The following VLDLR variants were observed in gnomAD, a reference collection of about 807,000 sequenced individuals.
The protein encoded by VLDLR is very low density lipoprotein receptor, also known as very low-density lipoprotein receptor.
Under a neutral mutation model 112.7 loss-of-function variants are expected in VLDLR, and 81 were observed. The observed-to-expected ratio is 0.72, with a 90% CI of 0.60 to 0.86. The LOEUF (loss-of-function observed/expected upper bound fraction) is 0.86, where lower values mean the gene tolerates loss of function less well. VLDLR is among the 40% of genes least tolerant of loss of function. VLDLR has a pLI of 0.00. For synonymous variants in VLDLR, 436 were observed against 384.8 expected, an observed-to-expected ratio of 1.13 and a Z score of -1.56; for missense variants, 1,237 against 1,099.4, an observed-to-expected ratio of 1.13 and a Z score of -1.77.
Position 2,651,437 on chromosome 9 carries a change from C to A in VLDLR, c.2274C>A (p.Tyr758Ter). Residue 758 changes from tyrosine to a stop codon, truncating the protein, a stop_gained, in exon 16 of 19, where the codon TAC (tyrosine) becomes TAA (stop). Coordinates refer to ENST00000382100, the MANE Select transcript of VLDLR (RefSeq NM_003383.5). LOFTEE classifies it high-confidence loss of function. ...DCQSTATTVT[Y>*]SETKDTNTTE... The stretch of plus-strand genomic sequence containing the variant: ...CAGGTACTGCAACTACTGTGACTTA[C>A]AGTGAGACAAAAGATACGAACACAA... 1.9e-6 allele frequency: 3 copies of A among 1,613,934 alleles called. No individual in the cohort carries two copies. The highest frequency in any genetic ancestry group is 2.5e-6 in the Non-Finnish European group (3 of 1,179,930).
intron 12 of VLDLR, 133 bp downstream of exon 12, chr9:2,647,725 G>A (rs1238426786): frequency 2.4e-6 from 2 of 819,124 alleles, no homozygotes; most frequent in Non-Finnish European, 2.1e-6. Context: ...TTTTCAATGG[G>A]AGTAACTGAA....
chr9:2,634,239 A>G (rs551038154), intron 1 of VLDLR, among the ~76,000 whole-genome samples: 7 of 152,294 alleles, frequency 4.6e-5, no homozygotes, highest in African/African-American at 1.7e-4. Context: ...AGGGAGACCA[A>G]CTAGGGTATT....
chr9:2,645,888 T>C (rs1209504816), intron 10 of VLDLR, 143 bp downstream of exon 10: 2 of 899,780 alleles, frequency 2.2e-6, no homozygotes, highest in Non-Finnish European at 3.4e-6. Context: ...CTAATGCTAA[T>C]TCTTTATTAA....
In VLDLR at chr9:2,621,963, G is replaced by A; in HGVS notation, c.-227G>A. The A allele has an allele frequency of 1.5e-6, 1 of 661,674 alleles. No homozygotes were observed. The highest frequency in any genetic ancestry group is 2.7e-6 in the Non-Finnish European group (1 of 364,212). The allele number at this position is 661,674 out of a possible 1,614,324, so 41.0% of individuals were successfully genotyped here. On this transcript the variant is annotated 5_prime_UTR_variant, in exon 1 of 19. Coordinates refer to ENST00000382100, the MANE Select transcript of VLDLR (RefSeq NM_003383.5). ...CGCAGGCTCGGCTTGCACTGCTGCT[G>A]CAGCCCGGGGAGGTGGCTGGGTGGG...
At chr9:2,625,925 C>T (rs569264201) in intron 1 of VLDLR, among the ~76,000 whole-genome samples, 4 of 152,274 alleles carry the variant, frequency 2.6e-5, no homozygotes, top group East Asian at 1.9e-4. Context: ...TAGCTATAGG[C>T]GAATCTGGCT....
At chr9:2,626,062 C>A (rs1817074416) in intron 1 of VLDLR, among the ~76,000 whole-genome samples, 10 of 152,238 alleles carry the variant, frequency 6.6e-5, no homozygotes, top group Admixed American at 5.9e-4. Flanking sequence ...TAGTTAAGTA[C>A]ACTAACTGCA....
intron 14 of VLDLR, 114 bp downstream of exon 14, chr9:2,648,924 T>C (rs1818191387): frequency 7.6e-7 from 1 of 1,324,254 alleles, no homozygotes; most frequent in Non-Finnish European, 1.1e-6. Flanking sequence ...AGGGAACTTT[T>C]GCCCTCCTGT....
At chr9:2,641,976 A>ATG (rs1817854046) in intron 4 of VLDLR, among the ~76,000 whole-genome samples, 1 of 151,974 alleles carries the variant, frequency 6.6e-6, no homozygotes, top group African/African-American at 2.4e-5. Context: ...CAGAAAAAAA[A>ATG]AAAAAAAAGA....
At chr9:2,622,314 C>A in intron 1 of VLDLR, 43 bp downstream of exon 1, 2 of 1,422,814 alleles carry the variant, frequency 1.4e-6, no homozygotes, top group East Asian at 5.9e-5. Flanking sequence ...GGGACCCAGC[C>A]GGGGCACCGG....
chr9:2,623,343 A>T (rs1202690106), intron 1 of VLDLR, among the ~76,000 whole-genome samples: 2 of 152,174 alleles, frequency 1.3e-5, no homozygotes, highest in Non-Finnish European at 2.9e-5. Flanking sequence ...CGCGTCCCCG[A>T]AGTGATCTTC....
chr9:2,633,289 T>G (rs2130773868), intron 1 of VLDLR, among the ~76,000 whole-genome samples: 1 of 152,244 alleles, frequency 6.6e-6, no homozygotes, highest in East Asian at 1.9e-4. Context: ...TTAATAGAAT[T>G]TATTACTGTT....
At chr9:2,642,862 C>G in intron 4 of VLDLR, among the ~76,000 whole-genome samples, 1 of 152,192 alleles carries the variant, frequency 6.6e-6, no homozygotes, top group East Asian at 1.9e-4. Flanking sequence ...TCCCTTGTTA[C>G]AGTTTGTTAT....
chr9:2,643,268 T>A lies in VLDLR; in HGVS notation c.557T>A (p.Leu186Gln). The A allele has an allele frequency of 6.2e-7, 1 of 1,613,972 alleles. No homozygotes were observed. The highest frequency in any genetic ancestry group is 1.3e-5 in the African/African-American group (1 of 75,032). The change falls in exon 5 of 19, where the codon CTG becomes CAG. Residue 186 changes from leucine to glutamine, a missense_variant. Coordinates refer to ENST00000382100, the MANE Select transcript of VLDLR (RefSeq NM_003383.5). ...GACTGCAGCGATGGCAGTGATGAGC[T>A]GGACTGTGCCCCGCCAACCTGTGGC... The part of the protein sequence containing the change: ...QDDCSDGSDE[L>Q]DCAPPTCGAH...
intron 1 of VLDLR, among the ~76,000 whole-genome samples, chr9:2,623,605 G>T (rs1816941564): frequency 6.6e-6 from 1 of 152,242 alleles, no homozygotes; most frequent in Non-Finnish European, 1.5e-5. Flanking sequence ...TGTCCGGAGC[G>T]TGTGAACTGG....
At chr9:2,622,609 G>A (rs1203567376) in intron 1 of VLDLR, among the ~76,000 whole-genome samples, 2 of 152,228 alleles carry the variant, frequency 1.3e-5, no homozygotes, top group African/African-American at 2.4e-5. Context: ...ATTGAACAAT[G>A]GTTCTGCCTC....
intron 2 of VLDLR, among the ~76,000 whole-genome samples, chr9:2,637,146 G>A (rs1473653165): frequency 6.6e-6 from 1 of 152,168 alleles, no homozygotes; most frequent in African/African-American, 2.4e-5. Context: ...GAGAAAGAAA[G>A]TAGAAATATT....
chr9:2,623,179 G>A (rs935419341), intron 1 of VLDLR, among the ~76,000 whole-genome samples: 2 of 152,218 alleles, frequency 1.3e-5, no homozygotes, highest in Non-Finnish European at 2.9e-5. Flanking sequence ...GTCTTGTTGG[G>A]AAGGGCGGCG....
chr9:2,653,750 C>G (rs369726722), intron 18 of VLDLR, 83 bp from the exon 19 acceptor site: 4 of 1,520,170 alleles, frequency 2.6e-6, no homozygotes, highest in African/African-American at 2.7e-5. Flanking sequence ...ATGACCAACT[C>G]AAAAGCAAGG....
chr9:2,643,402 C>G lies in VLDLR; in HGVS notation c.691C>G (p.Arg231Gly). The change falls in exon 5 of 19, where the codon CGT (arginine) becomes GGT (glycine). Residue 231 changes from arginine (R) to glycine (G), a missense_variant. Transcript: ENST00000382100. ...TGATGAGTCCCTGGAGCAGTGTGGCCGTCAGCCAGTCATACACACCAAGTG... is the reference window on the plus strand; with the variant it reads ...TGATGAGTCCCTGGAGCAGTGTGGCGGTCAGCCAGTCATACACACCAAGTG... The part of the protein sequence containing the change: ...QSDESLEQCG[R>G]QPVIHTKCPA... The G allele has an allele frequency of 6.2e-7, 1 of 1,614,080 alleles. No homozygotes were observed.
Sources: allele counts gnomAD v4.1 joint callset (sites outside exome capture counted in the v4.1 genomes callset), GRCh38; gene constraint gnomAD v4.1.1; transcripts MANE v1.5; gene names NCBI Gene and HGNC (gene_info 2026-07-23, HGNC 2026-07-21).